Variants in GNB3 observed in about 807,000 individuals in gnomAD.
The protein encoded by GNB3 is guanine nucleotide-binding protein G(I)/G(S)/G(T) subunit beta-3.
In GNB3, 33 loss-of-function variants were observed where a neutral mutation model predicts 41.2. The ratio of observed to expected loss-of-function variants is 0.80; its 90% CI spans 0.61 to 1.07. The LOEUF is 1.07. GNB3 is among the 50% of genes least tolerant of loss of function. The probability of loss-of-function intolerance (pLI) is 0.00; values close to 1 mark genes in which losing one functional copy is unlikely to be tolerated. For missense variants in GNB3, 409 were observed against 455.3 expected, an observed-to-expected ratio of 0.90 and a Z score of 0.92; for synonymous variants, 172 against 173.4, an observed-to-expected ratio of 0.99 and a Z score of 0.06.
At chr12:6,844,091 G>GTCTTTTTTTTTTTTTT (rs1432718669) in intron 8 of GNB3, 113 bp downstream of exon 8, 2 of 253,438 alleles carry the variant, frequency 7.9e-6, no homozygotes, top group African/African-American at 4.3e-5. Flanking sequence ...CTTTCTTACT[G>GTCTTTTTTTTTTTTTT]TATTTTTTTT....
chr12:6,843,354 T>G lies in GNB3; in HGVS notation c.268-9T>G. 6.2e-7 allele frequency: 1 copy of G among 1,613,636 alleles called. No homozygotes were observed. Among genetic ancestry groups the G allele is most frequent in the Non-Finnish European group, 8.5e-7 (1 of 1,179,640 alleles). On this transcript the variant is annotated splice_polypyrimidine_tract_variant and intron_variant, in intron 5 of 9. Transcript: ENST00000229264. This position sits in a 1 kb window ranked among gnomAD's most constrained non-coding sequence, Gnocchi z 5.9. ...GGTCCCATCTCTGCTCAAACCACCC[T>G]CCCTGCAGGTGCACGCCATCCCACT... is the stretch of plus-strand genomic sequence containing the variant.
Position 6,846,860 on chromosome 12 carries a change from A to T in GNB3, c.985A>T (p.Thr329Ser). ...GVTADGMAVA[T>S]GSWDSFLKIW... ...CACAGCTGACGGGATGGCTGTGGCCACAGGTTCCTGGGACAGCTTCCTCAA... is the reference window on the plus strand; with the variant it reads ...CACAGCTGACGGGATGGCTGTGGCCTCAGGTTCCTGGGACAGCTTCCTCAA... The change falls in exon 10 of 10, where the codon ACA becomes TCA. Residue 329 changes from threonine to serine, a missense_variant. Transcript: ENST00000229264. The T allele has an allele frequency of 1.9e-6, 3 of 1,599,922 alleles. No individual in the cohort carries two copies. Among genetic ancestry groups the T allele is most frequent in the Non-Finnish European group, 2.6e-6 (3 of 1,173,184 alleles).
chr12:6,843,190 T>C lies in GNB3; in HGVS notation c.220T>C (p.Ser74Pro). The stretch of plus-strand genomic sequence containing the variant: ...TCTCCCCAGGCTGCTGGTAAGTGCC[T>C]CGCAAGATGGGAAGCTGATCGTGTG... ...ATDSKLLVSA[S>P]QDGKLIVWDS... Residue 74 changes from serine to proline, a missense_variant, in exon 5 of 10, where the codon TCG (serine) becomes CCG (proline). By Grantham distance (74) the Ser-to-Pro change is moderately conservative (BLOSUM62 -1). Coordinates refer to ENST00000229264, the MANE Select transcript of GNB3 (RefSeq NM_002075.4). This position sits in a 1 kb window ranked among gnomAD's most constrained non-coding sequence, Gnocchi z 5.9. 1 of 1,613,890 alleles carries C rather than the reference T, an allele frequency of 6.2e-7. No individual in the cohort carries two copies. Among genetic ancestry groups the C allele is most frequent in the East Asian group, 2.2e-5 (1 of 44,874 alleles).
Position 6,843,156 on chromosome 12 carries a change from G to A in GNB3, c.204-18G>A, listed in dbSNP as rs781840504. 4.2e-5 allele frequency: 68 copies of A among 1,612,064 alleles called. No homozygotes were observed. Among genetic ancestry groups the A allele is most frequent in the Non-Finnish European group, 5.6e-5 (66 of 1,178,200 alleles). On this transcript the variant is annotated intron_variant, in intron 4 of 9. Transcript: ENST00000229264. The surrounding 1 kb of genome is among the most constrained non-coding windows in gnomAD (Gnocchi z 5.9). ...CGGGAAGGGGAGGCTTGCATGATAT[G>A]GGATGCCCTCTCCCCAGGCTGCTGG...
Position 6,843,254 on chromosome 12 carries a change from C to CTT in GNB3, c.267+17_267+18insTT. The CTT allele has an allele frequency of 6.2e-7, 1 of 1,612,958 alleles. No homozygotes were observed. The stretch of plus-strand genomic sequence containing the variant: ...ACCAACAAGGTACCAGCCCTGCCTC[C>CTT]CTGAGCCTCCACCACTGCATCCTTC... On this transcript the variant is annotated intron_variant, in intron 5 of 9. Transcript: ENST00000229264. The surrounding 1 kb of genome is among the most constrained non-coding windows in gnomAD (Gnocchi z 5.9).
In GNB3 at chr12:6,841,578, C is replaced by T; in HGVS notation, c.58-8C>T. 6.2e-7 allele frequency: 1 copy of T among 1,613,062 alleles called. No individual in the cohort carries two copies. The highest frequency in any genetic ancestry group is 8.5e-7 in the Non-Finnish European group (1 of 1,179,254). ...CCCTTGCTCCCCTGATGTCTGCTTT[C>T]CCTGCAGGATGCCAGGAAAGCCTGT... On this transcript the variant is annotated splice_region_variant and splice_polypyrimidine_tract_variant and intron_variant, in intron 2 of 9. Transcript: ENST00000229264.
At chr12:6,841,419 G>C (rs782638077) in intron 2 of GNB3, 75 bp downstream of exon 2, 1 of 1,369,104 alleles carries the variant, frequency 7.3e-7, no homozygotes, top group African/African-American at 1.4e-5. Flanking sequence ...GGGGGAGGGG[G>C]CTGGGTTTGC....
At chr12:6,845,526 G>T in intron 8 of GNB3, 60 bp from the exon 9 acceptor site, 1 of 1,166,314 alleles carries the variant, frequency 8.6e-7, no homozygotes, top group South Asian at 1.3e-5. Context: ...GGCAGAGGGC[G>T]GGAGAGGCTG....
rs77032625 is a variant in GNB3, at chr12:6,842,029, T to C, written c.96+405T>C. ...TCAAGGTGCATTCAGCAATGGATCA[T>C]TGTTTCAATTAGAATTGACAGCATC... On this transcript the variant is annotated intron_variant, in intron 3 of 9. Transcript: ENST00000229264. 623 of 346,810 alleles carry C rather than the reference T, an allele frequency of 1.8e-3. 10 individuals are homozygous for C. In the East Asian group the frequency reaches 0.043, roughly 24 times the overall value. The allele number at this position is 346,810 out of a possible 1,614,324, so 21.5% of individuals were successfully genotyped here. A position where few individuals can be genotyped will look rare whatever the true frequency, so the allele number is the denominator to read the frequency against.
At position 6,841,687 on chromosome 12, in the gene GNB3, G is replaced by T. The variant is rs782161328; in HGVS notation, c.96+63G>T. 11 of 1,199,392 alleles carry T rather than the reference G, an allele frequency of 9.2e-6. No homozygotes were observed. The East Asian group carries it at 2.7e-4, about 29-fold the overall frequency. The allele number at this position is 1,199,392 out of a possible 1,614,324, so 74.3% of individuals were successfully genotyped here. On this transcript the variant is annotated intron_variant, in intron 3 of 9. Coordinates refer to ENST00000229264, the MANE Select transcript of GNB3 (RefSeq NM_002075.4). ...GGAGGGGAAGGGAGCTCCCCGACCCGCAATAGCGCGTTGCTCCGAGCATTA... is the reference window on the plus strand; with the variant it reads ...GGAGGGGAAGGGAGCTCCCCGACCCTCAATAGCGCGTTGCTCCGAGCATTA...
At position 6,845,667 on chromosome 12, in the gene GNB3, C is replaced by G; in HGVS notation, c.781C>G (p.Leu261Val). ...GTTTGACCTGCGGGCAGACCAGGAGCTGATCTGCTTCTCCCACGAGAGCAT... is the reference window on the plus strand; with the variant it reads ...GTTTGACCTGCGGGCAGACCAGGAGGTGATCTGCTTCTCCCACGAGAGCAT... ...RLFDLRADQE[L>V]ICFSHESIIC... is the part of the protein sequence containing the mutation. The change falls in exon 9 of 10, where the codon CTG becomes GTG. Residue 261 changes from leucine to valine, a missense_variant. Physicochemically the swap from Leu to Val is conservative, Grantham distance 32. Transcript: ENST00000229264. 1 of 1,614,048 alleles carries G rather than the reference C, an allele frequency of 6.2e-7. No individual in the cohort carries two copies. Among genetic ancestry groups the G allele is most frequent in the Non-Finnish European group, 8.5e-7 (1 of 1,179,992 alleles).
chr12:6,841,315 G>GA lies in GNB3; in HGVS notation c.30dup (p.Ala11SerfsTer17). On this transcript the variant is annotated frameshift_variant, in exon 2 of 10. Transcript: ENST00000229264. LOFTEE classifies it high-confidence loss of function. The stretch of plus-strand genomic sequence containing the variant: ...GGGGGAGATGGAGCAACTGCGTCAG[G>GA]AAGCGGAGCAGCTCAAGAAGCAGAT... The GA allele has an allele frequency of 1.2e-6, 2 of 1,613,668 alleles. No homozygotes were observed. The highest frequency in any genetic ancestry group is 1.7e-6 in the Non-Finnish European group (2 of 1,179,806).
chr12:6,846,727 G>A (rs1401931919), intron 9 of GNB3, 65 bp from the exon 10 acceptor site: 16 of 858,030 alleles, frequency 1.9e-5, no homozygotes, highest in Middle Eastern at 2.2e-4. Context: ...ACACTTACAC[G>A]CATGCACACA....
At chr12:6,842,797 A>G (rs1440409925) in intron 3 of GNB3, among the ~76,000 whole-genome samples, 173 bp from the exon 4 acceptor site, 2 of 152,186 alleles carry the variant, frequency 1.3e-5, no homozygotes, top group African/African-American at 4.8e-5. Context: ...CCATGCATGC[A>G]TCTCTTTCCC....
At chr12:6,845,005 G>A (rs782740415) in intron 8 of GNB3, 1 of 152,472 alleles carries the variant, frequency 6.6e-6, no homozygotes, top group South Asian at 2.1e-4. Context: ...GTCCATAATA[G>A]CTCATGTTTT....
chr12:6,843,031 G>GAC lies in GNB3; in HGVS notation c.161_162dup (p.Leu55ThrfsTer18). 6.3e-7 allele frequency: 1 copy of GAC among 1,581,396 alleles called. No homozygotes were observed. Among genetic ancestry groups the GAC allele is most frequent in the Non-Finnish European group, 8.6e-7 (1 of 1,158,756 alleles). The stretch of plus-strand genomic sequence containing the variant: ...ATGCGGACGCGGCGGACGTTAAGGG[G>GAC]ACACCTGGCCAAGATTTACGCCATG... On this transcript the variant is annotated frameshift_variant, in exon 4 of 10. Coordinates refer to ENST00000229264, the MANE Select transcript of GNB3 (RefSeq NM_002075.4). LOFTEE classifies it high-confidence loss of function. The surrounding 1 kb of genome is among the most constrained non-coding windows in gnomAD (Gnocchi z 5.9).
Position 6,847,231 on chromosome 12 carries a change from G to A in GNB3, c.*333G>A, listed in dbSNP as rs1943724628. The A allele has an allele frequency of 6.1e-6, 2 of 327,912 alleles. No homozygotes were observed. Among genetic ancestry groups the A allele is most frequent in the South Asian group, 1.1e-4 (2 of 18,226 alleles). The allele number at this position is 327,912 out of a possible 1,614,324, so 20.3% of individuals were successfully genotyped here. Reference sequence around the variant, plus strand: ...CCCAGGCCCTAGGATTCCTCCCCCAGAGCCACTACCTTTGTCCAGGCCTGG... The same window carrying A: ...CCCAGGCCCTAGGATTCCTCCCCCAAAGCCACTACCTTTGTCCAGGCCTGG... On this transcript the variant is annotated 3_prime_UTR_variant, in exon 10 of 10. Transcript: ENST00000229264.
intron 8 of GNB3, among the ~76,000 whole-genome samples, chr12:6,844,437 T>A: frequency 6.6e-6 from 1 of 151,980 alleles, no homozygotes; most frequent in East Asian, 1.9e-4. Context: ...TTCCTTTTTT[T>A]GGAGACAGAG....
At chr12:6,846,493 A>T in intron 9 of GNB3, 1 of 280,894 alleles carries the variant, frequency 3.6e-6, no homozygotes, top group Non-Finnish European at 6.7e-6. Context: ...GCCCTCCCCC[A>T]ACCAAAGCTC....
Sources: allele counts gnomAD v4.1 joint callset (sites outside exome capture counted in the v4.1 genomes callset), GRCh38; gene constraint gnomAD v4.1.1; non-coding constraint Gnocchi (gnomAD v3.1); transcripts MANE v1.5; gene names NCBI Gene and HGNC (gene_info 2026-07-23, HGNC 2026-07-21).